Variants in PLB1 observed in about 807,000 individuals in gnomAD.
PLB1 encodes phospholipase B1.
PLB1 carries 242 observed loss-of-function variants against 227.4 expected under a neutral mutation model. That is an observed-to-expected ratio of 1.06 (90% confidence interval 0.96 to 1.18). PLB1 has a LOEUF of 1.18. Ranked by LOEUF, PLB1 falls within the 50% of genes most tolerant of loss-of-function variation. PLB1 has a pLI of 0.00. For synonymous variants in PLB1, 757 were observed against 682.2 expected, an observed-to-expected ratio of 1.11 and a Z score of -1.71; for missense variants, 1,858 against 1,816.3, an observed-to-expected ratio of 1.02 and a Z score of -0.42.
In PLB1 at chr2:28,597,541, T is replaced by C. The variant is rs1468586218; in HGVS notation, c.2322-464T>C. On this transcript the variant is annotated intron_variant, in intron 33 of 57. Coordinates refer to ENST00000327757, the MANE Select transcript of PLB1 (RefSeq NM_153021.5). The stretch of plus-strand genomic sequence containing the variant: ...CCCTTCTGAACCTTCTATTGGAATT[T>C]ACCTGACTGCTGAGCAGAGAAGAGC... 3.1e-4 allele frequency among the ~76,000 whole-genome samples: 47 copies of C among 152,202 alleles called. 1 individual carries two copies. The highest frequency in any genetic ancestry group is 2.8e-3 in the Admixed American group (43 of 15,286).
At chr2:28,640,749 A>G (rs1236033341) in intron 56 of PLB1, among the ~76,000 whole-genome samples, 178 bp from the exon 57 acceptor site, 1 of 152,102 alleles carries the variant, frequency 6.6e-6, no homozygotes, top group Non-Finnish European at 1.5e-5. Flanking sequence ...GTCATAAGTC[A>G]ACTCCCGCTC....
At chr2:28,501,348 G>A (rs919694389) in intron 1 of PLB1, among the ~76,000 whole-genome samples, 1 of 152,090 alleles carries the variant, frequency 6.6e-6, no homozygotes, top group Non-Finnish European at 1.5e-5. Flanking sequence ...AAATTCCTTT[G>A]CCATACTTCC....
intron 23 of PLB1, among the ~76,000 whole-genome samples, chr2:28,580,739 T>C (rs920533448): frequency 2.7e-5 from 4 of 148,562 alleles, no homozygotes; most frequent in African/African-American, 9.9e-5. Flanking sequence ...AAAGTTGCTG[T>C]GGGACCCTGG....
intron 22 of PLB1, 40 bp downstream of exon 22, chr2:28,578,198 G>A (rs1175797841): frequency 4.4e-6 from 7 of 1,596,592 alleles, no homozygotes; most frequent in Non-Finnish European, 6.0e-6. Context: ...AAAAATCCCT[G>A]GACACAGAGA....
chr2:28,564,436 C>A (rs540574664), intron 18 of PLB1, among the ~76,000 whole-genome samples: 1 of 152,306 alleles, frequency 6.6e-6, no homozygotes, highest in Admixed American at 6.5e-5. Flanking sequence ...CATAACCTCC[C>A]AGGAAGGACT....
intron 46 of PLB1, chr2:28,618,602 C>T (rs115860390): frequency 0.031 from 17,898 of 579,450 alleles, 358 homozygotes; most frequent in Non-Finnish European, 0.041. Flanking sequence ...AAAGCCCCCT[C>T]GTCCATGAGG....
chr2:28,557,287 T>G (rs1195490053), intron 17 of PLB1, among the ~76,000 whole-genome samples: 1 of 152,142 alleles, frequency 6.6e-6, no homozygotes, highest in Non-Finnish European at 1.5e-5. Flanking sequence ...CTTGAGCTCC[T>G]CTGTGGAAGG....
chr2:28,588,407 C>A (rs1319671230), intron 26 of PLB1, among the ~76,000 whole-genome samples: 1 of 152,202 alleles, frequency 6.6e-6, no homozygotes, highest in African/African-American at 2.4e-5. Flanking sequence ...TCTCTCCTTT[C>A]CTCATGCCTT....
chr2:28,511,086 T>C (rs1668204375), intron 1 of PLB1, among the ~76,000 whole-genome samples: 1 of 152,232 alleles, frequency 6.6e-6, no homozygotes. Flanking sequence ...AAGTCTAATA[T>C]AAATCAGTAC....
At chr2:28,602,005 T>C in intron 38 of PLB1, 41 bp downstream of exon 38, 1 of 1,510,958 alleles carries the variant, frequency 6.6e-7, no homozygotes, top group Non-Finnish European at 9.2e-7. Flanking sequence ...AGCTCAAGCA[T>C]GGTGAGGGTG....
Position 28,567,469 on chromosome 2 carries a change from C to CTTTTTTTTTTTT in PLB1, c.1324+640_1324+651dup, listed in dbSNP as rs57787583. On this transcript the variant is annotated intron_variant, in intron 20 of 57. Transcript: ENST00000327757. ...AACCTGCTCGGAATGATTTCTTTCT[C>CTTTTTTTTTTTT]TTTTTTTTTTTTTTTTTTTTTGAGA... Among the ~76,000 whole-genome samples the CTTTTTTTTTTTT allele has an allele frequency of 1.0e-4, 11 of 108,076 alleles. 1 individual carries two copies. The highest frequency in any genetic ancestry group is 3.6e-4 in the African/African-American group (9 of 24,772). 70.9% of individuals were successfully genotyped at this position (108,076 alleles called of 152,430 possible).
intron 43 of PLB1, among the ~76,000 whole-genome samples, chr2:28,612,404 G>C (rs1480972561): frequency 6.6e-6 from 1 of 152,086 alleles, no homozygotes; most frequent in Non-Finnish European, 1.5e-5. Flanking sequence ...TGTCCAGTCA[G>C]CTCTGGCCCC....
intron 4 of PLB1, among the ~76,000 whole-genome samples, chr2:28,523,560 G>A (rs1372003166): frequency 6.6e-6 from 1 of 151,934 alleles, no homozygotes; most frequent in African/African-American, 2.4e-5. Flanking sequence ...GAGTTTGCTG[G>A]GTTAGCCACA....
At chr2:28,563,191 G>T (rs1046227296) in intron 18 of PLB1, 92 bp downstream of exon 18, 4 of 1,308,300 alleles carry the variant, frequency 3.1e-6, no homozygotes, top group Non-Finnish European at 4.4e-6. Flanking sequence ...AAGGTCTCAC[G>T]CCTGGCTCTT....
intron 5 of PLB1, 32 bp from the exon 6 acceptor site, chr2:28,525,873 C>G: frequency 6.2e-7 from 1 of 1,613,004 alleles, no homozygotes; most frequent in Non-Finnish European, 8.5e-7. Context: ...ACAAATGCAG[C>G]CTGACACTCA....
chr2:28,634,782 A>G (rs1689101449), intron 56 of PLB1, among the ~76,000 whole-genome samples: 1 of 152,190 alleles, frequency 6.6e-6, no homozygotes, highest in East Asian at 1.9e-4. Context: ...GTGGTGGTGC[A>G]TGCCTGTAGT....
Position 28,614,048 on chromosome 2 carries a change from A to G in PLB1, c.3147A>G (p.Arg1049=). 1 of 1,612,906 alleles carries G rather than the reference A, an allele frequency of 6.2e-7. No homozygotes were observed. Among genetic ancestry groups the G allele is most frequent in the Non-Finnish European group, 8.5e-7 (1 of 1,179,048 alleles). Residue 1049 remains arginine (R), a synonymous_variant, in exon 44 of 58, where the codon AGA becomes AGG. Transcript: ENST00000327757. ...TCTCTTAGAATGAGCCCTTCCTGAG[A>G]ACCCCTCGGAATAGTAACTACACGT... ...TCPTQNEPFL[R]TPRNSNYTYP...
chr2:28,625,503 A>G (rs1040355923), intron 50 of PLB1, among the ~76,000 whole-genome samples: 26 of 150,520 alleles, frequency 1.7e-4, no homozygotes, highest in African/African-American at 5.9e-4. Context: ...GAAACTTCTC[A>G]CTAGCACTTT....
intron 56 of PLB1, among the ~76,000 whole-genome samples, chr2:28,640,289 A>G (rs1031376009): frequency 6.6e-6 from 1 of 152,106 alleles, no homozygotes; most frequent in Non-Finnish European, 1.5e-5. Context: ...GGTGCCGGGG[A>G]GGGGGATACA....
Sources: gnomAD v4.1 joint callset for allele counts (sites outside exome capture counted in the v4.1 genomes callset) on GRCh38, gnomAD v4.1.1 for gene constraint, MANE v1.5 for transcripts, NCBI Gene and HGNC (gene_info 2026-07-23, HGNC 2026-07-21) for gene names.